Variants in MTMR14 observed in about 807,000 individuals in gnomAD.
The protein encoded by MTMR14 is myotubularin related protein 14, also known as phosphatidylinositol-3,5-bisphosphate 3-phosphatase MTMR14.
Under a neutral mutation model 86.3 loss-of-function variants are expected in MTMR14, and 48 were observed. That is an observed-to-expected ratio of 0.56 (90% CI 0.44 to 0.71). The LOEUF (loss-of-function observed/expected upper bound fraction) is 0.71, where lower values mean the gene tolerates loss of function less well. Among genes scored for constraint, MTMR14 ranks in the 30% least tolerant of loss-of-function variants. MTMR14 has a pLI of 0.00. For synonymous variants in MTMR14, 366 were observed against 326.1 expected (o/e 1.12, Z -1.32); for missense variants, 780 against 834.6 (o/e 0.93, Z 0.81).
intron 13 of MTMR14, among the ~76,000 whole-genome samples, chr3:9,686,468 C>T (rs1224816708): frequency 6.6e-6 from 1 of 152,102 alleles, no homozygotes; most frequent in Non-Finnish European, 1.5e-5. Context: ...GCAGGTTCAT[C>T]TTCAGGACCT....
chr3:9,687,338 G>C (rs1262220239), intron 13 of MTMR14, among the ~76,000 whole-genome samples: 4 of 152,038 alleles, frequency 2.6e-5, no homozygotes, highest in Non-Finnish European at 4.4e-5. Context: ...GGCGGGTCAT[G>C]AGGTCAGGAT....
chr3:9,699,218 C>T (rs1282755484), intron 18 of MTMR14, among the ~76,000 whole-genome samples: 1 of 151,902 alleles, frequency 6.6e-6, no homozygotes, highest in Non-Finnish European at 1.5e-5. Flanking sequence ...CTTCCTACTC[C>T]AGCCCCATTT....
chr3:9,677,002 G>A lies in MTMR14; in HGVS notation c.752-315G>A, dbSNP rs922036864. On this transcript the variant is annotated intron_variant, in intron 7 of 18. Coordinates refer to ENST00000296003, the MANE Select transcript of MTMR14 (RefSeq NM_001077525.3). This position sits in a 1 kb window ranked among gnomAD's most constrained non-coding sequence, Gnocchi z 4.2. ...GGGATTGGCACTACAGAGACCTGTAGGACAAAGGGACTTGCAATGTGGGGG... is the reference window on the plus strand; with the variant it reads ...GGGATTGGCACTACAGAGACCTGTAAGACAAAGGGACTTGCAATGTGGGGG... 2.6e-5 allele frequency among the ~76,000 whole-genome samples: 4 copies of A among 152,222 alleles called. No individual in the cohort carries two copies. The highest frequency in any genetic ancestry group is 1.3e-4 in the Admixed American group (2 of 15,288).
In MTMR14 at chr3:9,677,095, G is replaced by A. The variant is rs996043834; in HGVS notation, c.752-222G>A. ...AGAGGCTGAGAGCAGGCAGTGCCTCGTGGAAAAGGCATGCAGCCAGGAAAC... is the reference window on the plus strand; with the variant it reads ...AGAGGCTGAGAGCAGGCAGTGCCTCATGGAAAAGGCATGCAGCCAGGAAAC... On this transcript the variant is annotated intron_variant, in intron 7 of 18. Transcript: ENST00000296003. The surrounding 1 kb of genome is among the most constrained non-coding windows in gnomAD (Gnocchi z 4.2). 6.6e-6 allele frequency among the ~76,000 whole-genome samples: 1 copy of A among 152,216 alleles called. No individual in the cohort carries two copies. Among genetic ancestry groups the A allele is most frequent in the Admixed American group, 6.5e-5 (1 of 15,280 alleles).
chr3:9,651,554 A>G (rs2047294161), intron 1 of MTMR14, among the ~76,000 whole-genome samples: 1 of 152,214 alleles, frequency 6.6e-6, no homozygotes, highest in South Asian at 2.1e-4. Flanking sequence ...GATCTCCTGC[A>G]AACTTAGATG....
chr3:9,666,919 A>G (rs1464616896), intron 3 of MTMR14, among the ~76,000 whole-genome samples: 1 of 152,228 alleles, frequency 6.6e-6, no homozygotes, highest in Non-Finnish European at 1.5e-5. Flanking sequence ...GTGTCTATCA[A>G]GAGGGGTCAG....
rs868535476 is a variant in MTMR14, at chr3:9,692,273, C to T, written c.1613+2130C>T. On this transcript the variant is annotated intron_variant, in intron 17 of 18. Coordinates refer to ENST00000296003, the MANE Select transcript of MTMR14 (RefSeq NM_001077525.3). ...GCATCTCTCTTTTAAAGCAGGATTCCCCCATGGAATGAATCTGTGAAGCTT... is the reference window on the plus strand; with the variant it reads ...GCATCTCTCTTTTAAAGCAGGATTCTCCCATGGAATGAATCTGTGAAGCTT... Among the ~76,000 whole-genome samples, 9 of 152,242 alleles carry T rather than the reference C, an allele frequency of 5.9e-5. 1 individual carries two copies. Among genetic ancestry groups the T allele is most frequent in the Middle Eastern group, 3.4e-3 (1 of 294 alleles).
At chr3:9,671,460 AT>A (rs146399430) in intron 6 of MTMR14, among the ~76,000 whole-genome samples, 5,570 of 150,124 alleles carry the variant, frequency 0.037, 142 homozygotes, top group Non-Finnish European at 0.058. Flanking sequence ...ATATCTCTGT[AT>A]TTTTTTTTTC....
At chr3:9,697,641 C>T in intron 17 of MTMR14, 70 bp from the exon 18 acceptor site, 7 of 1,562,564 alleles carry the variant, frequency 4.5e-6, no homozygotes, top group South Asian at 3.5e-5. Flanking sequence ...AGTCCCCTAG[C>T]CCCCTCCAGA....
intron 7 of MTMR14, among the ~76,000 whole-genome samples, chr3:9,676,210 C>T (rs544188494): frequency 3.3e-5 from 5 of 152,310 alleles, no homozygotes; most frequent in Admixed American, 3.3e-4. Context: ...AAGCCATGTG[C>T]CGTCTGAAGT....
In MTMR14 at chr3:9,688,773, C is replaced by T. The variant is rs1559608688; in HGVS notation, c.1294+19C>T. 1.7e-5 allele frequency: 28 copies of T among 1,614,000 alleles called. No individual in the cohort carries two copies. Among genetic ancestry groups the T allele is most frequent in the Non-Finnish European group, 2.3e-5 (27 of 1,180,014 alleles). On this transcript the variant is annotated intron_variant, in intron 15 of 18. Coordinates refer to ENST00000296003, the MANE Select transcript of MTMR14 (RefSeq NM_001077525.3). ...ATGCTGAGTGAGTCCTGGGCCCCAA[C>T]AGACTTCCCTTCCTCCATACATCTT...
Position 9,677,215 on chromosome 3 carries a change from GCCC to G in MTMR14, c.752-99_752-97del. On this transcript the variant is annotated intron_variant, in intron 7 of 18. Transcript: ENST00000296003. The surrounding 1 kb of genome is among the most constrained non-coding windows in gnomAD (Gnocchi z 4.2). ...TAGCTTGGAGAAGTGTGAGTTGGCGGCCCCCTCTCCACAGCACTCAGGGACCTG... is the reference window on the plus strand; with the variant it reads ...TAGCTTGGAGAAGTGTGAGTTGGCGGCCTCTCCACAGCACTCAGGGACCTG... The G allele has an allele frequency of 1.0e-6, 1 of 1,002,276 alleles. No homozygotes were observed. Among genetic ancestry groups the G allele is most frequent in the Non-Finnish European group, 1.6e-6 (1 of 643,240 alleles). 62.1% of individuals were successfully genotyped at this position (1,002,276 alleles called of 1,614,324 possible).
At chr3:9,690,569 G>A (rs563011855) in intron 17 of MTMR14, among the ~76,000 whole-genome samples, 5 of 152,224 alleles carry the variant, frequency 3.3e-5, no homozygotes, top group African/African-American at 1.2e-4. Flanking sequence ...AGCTACATGT[G>A]TGTGGCTGGG....
intron 6 of MTMR14, among the ~76,000 whole-genome samples, chr3:9,672,099 T>A (rs1485016654): frequency 6.6e-6 from 1 of 152,226 alleles, no homozygotes; most frequent in Non-Finnish European, 1.5e-5. Context: ...ATCTCATTCC[T>A]GGGTCAGAGT....
chr3:9,656,727 T>A (rs2047629764), intron 2 of MTMR14, among the ~76,000 whole-genome samples: 1 of 152,168 alleles, frequency 6.6e-6, no homozygotes, highest in Non-Finnish European at 1.5e-5. Flanking sequence ...TGGGTAAACT[T>A]AGTTTCCGTA....
chr3:9,677,349 G>A lies in MTMR14; in HGVS notation c.784G>A (p.Asp262Asn). The A allele has an allele frequency of 1.2e-6, 2 of 1,614,082 alleles. No individual in the cohort carries two copies. The highest frequency in any genetic ancestry group is 1.7e-6 in the Non-Finnish European group (2 of 1,179,970). ...CEFFKEYKDR[D>N]YMAEGLIFNW... Reference sequence around the variant, plus strand: ...ATTTTTCAAGGAATATAAAGATCGGGATTACATGGCAGAAGGGCTCATATT... The same window carrying A: ...ATTTTTCAAGGAATATAAAGATCGGAATTACATGGCAGAAGGGCTCATATT... The change falls in exon 8 of 19, where the codon GAT (aspartate) becomes AAT (asparagine). Residue 262 changes from aspartate (D) to asparagine (N), a missense_variant. By Grantham distance (23) the Asp-to-Asn change is conservative. Transcript: ENST00000296003. This position sits in a 1 kb window ranked among gnomAD's most constrained non-coding sequence, Gnocchi z 4.2.
intron 3 of MTMR14, among the ~76,000 whole-genome samples, chr3:9,667,438 ATAT>A (rs2048317041): frequency 1.3e-5 from 2 of 151,860 alleles, no homozygotes; most frequent in Non-Finnish European, 1.5e-5. Flanking sequence ...TGATGTGTAC[ATAT>A]TTTTTTTTTC....
chr3:9,683,894 C>T (rs530086355), intron 10 of MTMR14, among the ~76,000 whole-genome samples: 37 of 152,336 alleles, frequency 2.4e-4, no homozygotes, highest in African/African-American at 8.2e-4. Flanking sequence ...GACCTGTCTC[C>T]CGCCATCTTA....
At chr3:9,687,646 G>C (rs1168478028) in intron 13 of MTMR14, among the ~76,000 whole-genome samples, 175 bp from the exon 14 acceptor site, 1 of 151,498 alleles carries the variant, frequency 6.6e-6, no homozygotes, top group Non-Finnish European at 1.5e-5. Context: ...GCATCTGCCA[G>C]GCCCTTCCAA....
Sources: allele counts gnomAD v4.1 joint callset (sites outside exome capture counted in the v4.1 genomes callset), GRCh38; gene constraint gnomAD v4.1.1; non-coding constraint Gnocchi (gnomAD v3.1); transcripts MANE v1.5; gene names NCBI Gene and HGNC (gene_info 2026-07-23, HGNC 2026-07-21).